The following GCM1 variants were observed in gnomAD, a reference collection of about 807,000 sequenced individuals.
The protein encoded by GCM1 is GCM transcription factor 1.
Under a neutral mutation model 25.7 loss-of-function variants are expected in GCM1, and 2 were observed. That is an observed-to-expected ratio of 0.08 (90% CI 0.03 to 0.24). GCM1 has a LOEUF of 0.24. Ranked by LOEUF, GCM1 falls within the 10% of genes least tolerant of loss-of-function variation. The pLI is 1.00. For missense variants in GCM1, 395 were observed against 538.7 expected, an observed-to-expected ratio of 0.73 and a Z score of 2.64; for synonymous variants, 183 against 195.7, an observed-to-expected ratio of 0.94 and a Z score of 0.54.
rs1763670521 is a variant in GCM1, at chr6:53,128,137, T to A, written c.*69A>T. The A allele has an allele frequency of 8.3e-7, 1 of 1,204,072 alleles. No homozygotes were observed. Among genetic ancestry groups the A allele is most frequent in the African/African-American group, 1.5e-5 (1 of 66,256 alleles). 74.6% of individuals were successfully genotyped at this position (1,204,072 alleles called of 1,614,324 possible). On this transcript the variant is annotated 3_prime_UTR_variant, in exon 6 of 6. Coordinates refer to ENST00000259803, the MANE Select transcript of GCM1 (RefSeq NM_003643.4). The stretch of plus-strand genomic sequence containing the variant: ...CTGTGGTTATGTTTTAAAAATTATT[T>A]CCTAAGGAAATTCTTTCAGCCCTTC...
intron 2 of GCM1, among the ~76,000 whole-genome samples, chr6:53,142,758 T>C (rs1011488052): frequency 3.3e-5 from 5 of 151,590 alleles, no homozygotes; most frequent in Admixed American, 6.6e-5. Context: ...CTGACATTTC[T>C]AGAATTCTAG....
At chr6:53,134,562 C>T (rs1487630645) in intron 2 of GCM1, among the ~76,000 whole-genome samples, 2 of 152,202 alleles carry the variant, frequency 1.3e-5, no homozygotes, top group Non-Finnish European at 2.9e-5. Flanking sequence ...AATGATAGCC[C>T]CTGTGAGTTC....
At position 53,130,947 on chromosome 6, in the gene GCM1, G is replaced by A. The variant is rs1242764891; in HGVS notation, c.442-16C>T. 6.2e-7 allele frequency: 1 copy of A among 1,609,130 alleles called. No homozygotes were observed. The highest frequency in any genetic ancestry group is 2.2e-5 in the East Asian group (1 of 44,864). ...CTCCCTTTGACTTAAATGAGACAAGGAAGTAGAAAGGAAATGATATAACAC... is the reference window on the plus strand; with the variant it reads ...CTCCCTTTGACTTAAATGAGACAAGAAAGTAGAAAGGAAATGATATAACAC... On this transcript the variant is annotated splice_polypyrimidine_tract_variant and intron_variant, in intron 4 of 5. Transcript: ENST00000259803.
intron 2 of GCM1, among the ~76,000 whole-genome samples, chr6:53,136,730 G>A (rs1260206478): frequency 6.6e-6 from 1 of 151,906 alleles, no homozygotes; most frequent in Non-Finnish European, 1.5e-5. Context: ...ATCCCAGCAC[G>A]TTGGGAGGCT....
intron 1 of GCM1, 149 bp downstream of exon 1, chr6:53,148,605 C>G (rs186809892): frequency 1.2e-4 from 18 of 152,110 alleles, no homozygotes; most frequent in Non-Finnish European, 2.9e-5. Context: ...GTCAAGACTC[C>G]TTTTTTTAAA....
At chr6:53,144,210 C>A (rs967648492) in intron 2 of GCM1, among the ~76,000 whole-genome samples, 3 of 152,104 alleles carry the variant, frequency 2.0e-5, no homozygotes, top group Admixed American at 6.6e-5. Context: ...TTGTTCGTGG[C>A]CAGTAGTTTG....
At chr6:53,133,033 C>T (rs1007077742) in intron 3 of GCM1, among the ~76,000 whole-genome samples, 2 of 152,204 alleles carry the variant, frequency 1.3e-5, no homozygotes, top group African/African-American at 4.8e-5. Flanking sequence ...TAACCTTTCA[C>T]AGCTGCCACT....
At chr6:53,144,033 T>C (rs182670888) in intron 2 of GCM1, among the ~76,000 whole-genome samples, 3 of 152,288 alleles carry the variant, frequency 2.0e-5, no homozygotes, top group African/African-American at 2.4e-5. Context: ...ACTGGTGGTG[T>C]CCAGTCCTAG....
rs1223691364 is a variant in GCM1, at chr6:53,128,028, C to CAAAAAAAAAAAAAAAAA, written c.*161_*177dup. 27 of 66,432 alleles carry CAAAAAAAAAAAAAAAAA rather than the reference C, an allele frequency of 4.1e-4. No homozygotes were observed. Among genetic ancestry groups the CAAAAAAAAAAAAAAAAA allele is most frequent in the East Asian group, 1.7e-3 (4 of 2,332 alleles). The allele number at this position is 66,432 out of a possible 1,614,324, so 4.1% of individuals were successfully genotyped here. On this transcript the variant is annotated 3_prime_UTR_variant, in exon 6 of 6. Transcript: ENST00000259803. ...TGGGCAAAAGAGCAAGACTCTGTCT[C>CAAAAAAAAAAAAAAAAA]AAAAAAAAAAAAAAAAAAAAAAAAA...
chr6:53,134,243 G>A lies in GCM1; in HGVS notation c.157C>T (p.Gln53Ter). The A allele has an allele frequency of 6.2e-7, 1 of 1,614,144 alleles. No individual in the cohort carries two copies. The highest frequency in any genetic ancestry group is 8.5e-7 in the Non-Finnish European group (1 of 1,180,010). ...HIYSSEDKNAQRHLSSWAMRN... is the reference protein window; with the variant it reads ...HIYSSEDKNA Reference sequence around the variant, plus strand: ...ATGGCCCAGCTGCTCAGGTGCCGCTGCGCATTCTTGTCCTCCGAGCTGTAG... The same window carrying A: ...ATGGCCCAGCTGCTCAGGTGCCGCTACGCATTCTTGTCCTCCGAGCTGTAG... The change falls in exon 3 of 6, where the codon CAG becomes TAG. Residue 53 changes from glutamine to a stop codon, truncating the protein, a stop_gained. Transcript: ENST00000259803. LOFTEE classifies it high-confidence loss of function.
intron 1 of GCM1, among the ~76,000 whole-genome samples, chr6:53,147,432 T>A (rs1205328071): frequency 8.1e-5 from 12 of 148,306 alleles, no homozygotes; most frequent in African/African-American, 3.0e-4. Context: ...ATTGTTTTTT[T>A]TTTTTTTTTT....
intron 3 of GCM1, among the ~76,000 whole-genome samples, chr6:53,132,642 G>A (rs1729971049): frequency 1.3e-5 from 2 of 152,218 alleles, no homozygotes; most frequent in Non-Finnish European, 2.9e-5. Context: ...AACCTGGGAG[G>A]TGGAGGTTGC....
intron 1 of GCM1, among the ~76,000 whole-genome samples, chr6:53,148,148 T>C (rs1471311627): frequency 3.9e-5 from 6 of 152,182 alleles, no homozygotes; most frequent in Admixed American, 3.9e-4. Flanking sequence ...ATGCCGCAAA[T>C]TGACTCTAAT....
chr6:53,128,938 T>A lies in GCM1; in HGVS notation c.579A>T (p.Pro193=). ...AACTCCCCTGACTTTGTGTTTCACC[T>A]GGAAGAGACTGGAAAGGAAAGTGAA... is the stretch of plus-strand genomic sequence containing the variant. ...LKGSTETRSL[P]GETQSQGSLP... is the part of the protein sequence containing the mutation. The change falls in exon 6 of 6, where the codon CCA becomes CCT. Residue 193 remains proline, a synonymous_variant. Coordinates refer to ENST00000259803, the MANE Select transcript of GCM1 (RefSeq NM_003643.4). The A allele has an allele frequency of 6.2e-7, 1 of 1,611,100 alleles. No individual in the cohort carries two copies. Among genetic ancestry groups the A allele is most frequent in the Non-Finnish European group, 8.5e-7 (1 of 1,178,428 alleles).
At position 53,145,700 on chromosome 6, in the gene GCM1, C is replaced by T; in HGVS notation, c.-68G>A. On this transcript the variant is annotated 5_prime_UTR_variant, in exon 2 of 6. Coordinates refer to ENST00000259803, the MANE Select transcript of GCM1 (RefSeq NM_003643.4). ...CTCAGAAATGCTTGAGAATTTTGTTCTCAAAGGTTCTTGATATAGCTGGAT... is the reference window on the plus strand; with the variant it reads ...CTCAGAAATGCTTGAGAATTTTGTTTTCAAAGGTTCTTGATATAGCTGGAT... 1 of 893,774 alleles carries T rather than the reference C, an allele frequency of 1.1e-6. No homozygotes were observed. Among genetic ancestry groups the T allele is most frequent in the Middle Eastern group, 2.2e-4 (1 of 4,628 alleles). The allele number at this position is 893,774 out of a possible 1,614,324, so 55.4% of individuals were successfully genotyped here. A position where few individuals can be genotyped will look rare whatever the true frequency, so the allele number is the denominator to read the frequency against.
At chr6:53,137,630 A>G (rs953696088) in intron 2 of GCM1, among the ~76,000 whole-genome samples, 1 of 152,132 alleles carries the variant, frequency 6.6e-6, no homozygotes, top group Non-Finnish European at 1.5e-5. Context: ...TCTACTAAAA[A>G]AACAAAACAA....
Position 53,128,352 on chromosome 6 carries a change from A to C in GCM1, c.1165T>G (p.Phe389Val), listed in dbSNP as rs762311742. 1 of 1,614,022 alleles carries C rather than the reference A, an allele frequency of 6.2e-7. No individual in the cohort carries two copies. Among genetic ancestry groups the C allele is most frequent in the Admixed American group, 1.7e-5 (1 of 60,008 alleles). ...GGATGAGAGGCGTAGGTGAAGAGAA[A>C]GGGGTCTTCTTGAGGTGAATGGTAT... Reference protein sequence around the residue: ...PAYHSPQEDPFLFTYASHPHQ... With the variant: ...PAYHSPQEDPVLFTYASHPHQ... Residue 389 changes from phenylalanine to valine, a missense_variant, in exon 6 of 6, where the codon TTT (phenylalanine) becomes GTT (valine). Coordinates refer to ENST00000259803, the MANE Select transcript of GCM1 (RefSeq NM_003643.4).
intron 4 of GCM1, 40 bp downstream of exon 4, chr6:53,131,967 C>T (rs1224550921): frequency 1.8e-6 from 2 of 1,105,742 alleles, no homozygotes; most frequent in South Asian, 1.2e-5. Flanking sequence ...TGAAACTCCT[C>T]AGTAATGAAA....
chr6:53,132,059 C>A lies in GCM1; in HGVS notation c.389G>T (p.Gly130Val). Residue 130 changes from glycine (G) to valine (V), a missense_variant, in exon 4 of 6, where the codon GGC becomes GTC. Physicochemically the swap from Gly to Val is moderately radical, Grantham distance 109. This residue lies in a region of GCM1 where 32 missense variants were observed against 97.7 expected (regional missense o/e 0.33). Coordinates refer to ENST00000259803, the MANE Select transcript of GCM1 (RefSeq NM_003643.4). ...CCTCCAGAAGTTGGTGACCGGGAAGCCCCCATGACCTCGGCAAGGGATGAG... is the reference window on the plus strand; with the variant it reads ...CCTCCAGAAGTTGGTGACCGGGAAGACCCCATGACCTCGGCAAGGGATGAG... ...LKLIPCRGHG[G>V]FPVTNFWRHD... is the part of the protein sequence containing the mutation. 6.2e-7 allele frequency: 1 copy of A among 1,613,150 alleles called. No individual in the cohort carries two copies.
Sources: gnomAD v4.1 joint callset for allele counts (sites outside exome capture counted in the v4.1 genomes callset) on GRCh38, gnomAD v4.1.1 for gene constraint, gnomAD v4.1.1 regional missense constraint, MANE v1.5 for transcripts, NCBI Gene and HGNC (gene_info 2026-07-23, HGNC 2026-07-21) for gene names.